Variants in SDCCAG8 observed in about 807,000 individuals in gnomAD.
SDCCAG8 encodes the protein SHH signaling and ciliogenesis regulator SDCCAG8.
SDCCAG8 carries 74 observed loss-of-function variants against 101.8 expected under a neutral mutation model. The observed-to-expected ratio is 0.73, with a 90% CI of 0.60 to 0.88. SDCCAG8 has a LOEUF of 0.88. Among genes scored for constraint, SDCCAG8 ranks in the 40% least tolerant of loss-of-function variants. SDCCAG8 has a pLI of 0.00. For missense variants in SDCCAG8, 787 were observed against 822.6 expected, an observed-to-expected ratio of 0.96 and a Z score of 0.53; for synonymous variants, 281 against 292.9, an observed-to-expected ratio of 0.96 and a Z score of 0.41.
chr1:243,495,503 C>T (rs1166373096), intron 17 of SDCCAG8, among the ~76,000 whole-genome samples: 1 of 152,204 alleles, frequency 6.6e-6, no homozygotes, highest in Non-Finnish European at 1.5e-5. Flanking sequence ...ATGGCCGCTG[C>T]CCTGCGATGG....
At chr1:243,320,444 T>G (rs2073655937) in intron 9 of SDCCAG8, among the ~76,000 whole-genome samples, 1 of 152,202 alleles carries the variant, frequency 6.6e-6, no homozygotes, top group Non-Finnish European at 1.5e-5. Context: ...GCCCGTGGTC[T>G]GTCCTAATGT....
chr1:243,414,408 A>G (rs1235688415), intron 13 of SDCCAG8, among the ~76,000 whole-genome samples: 4 of 152,140 alleles, frequency 2.6e-5, no homozygotes, highest in Admixed American at 6.5e-5. Context: ...AGTGCGACGC[A>G]AGACCTTGGA....
intron 10 of SDCCAG8, among the ~76,000 whole-genome samples, chr1:243,331,108 A>G (rs112034417): frequency 6.6e-6 from 1 of 152,222 alleles, no homozygotes; most frequent in Admixed American, 6.5e-5. Flanking sequence ...AACACTTGTA[A>G]GGAACTGAGT....
chr1:243,360,087 A>G (rs929770706), intron 12 of SDCCAG8, among the ~76,000 whole-genome samples: 3 of 149,828 alleles, frequency 2.0e-5, no homozygotes, highest in African/African-American at 7.4e-5. Context: ...ACATATATCC[A>G]CTGCTACCGT....
At chr1:243,399,534 TCTCA>T (rs1421471766) in intron 13 of SDCCAG8, among the ~76,000 whole-genome samples, 1 of 151,964 alleles carries the variant, frequency 6.6e-6, no homozygotes, top group African/African-American at 2.4e-5. Context: ...ATTGCTGGAG[TCTCA>T]CTCTGTCGCC....
chr1:243,295,559 C>T (rs1335586333), intron 6 of SDCCAG8, among the ~76,000 whole-genome samples: 1 of 152,164 alleles, frequency 6.6e-6, no homozygotes, highest in African/African-American at 2.4e-5. Flanking sequence ...GTCACTCTTA[C>T]AAATCTTATC....
At position 243,418,043 on chromosome 1, in the gene SDCCAG8, C is replaced by T; in HGVS notation, c.1820C>T (p.Ala607Val). The T allele has an allele frequency of 6.2e-7, 1 of 1,612,690 alleles. No individual in the cohort carries two copies. Among genetic ancestry groups the T allele is most frequent in the Non-Finnish European group, 8.5e-7 (1 of 1,179,040 alleles). The change falls in exon 15 of 18, where the codon GCC (alanine) becomes GTC (valine). Residue 607 changes from alanine to valine, a missense_variant. Physicochemically the swap from Ala to Val is moderately conservative, Grantham distance 64 (BLOSUM62 0). Transcript: ENST00000366541. ...TTAAAGGAAGAATGCTGTACATTAGCCAAGAAACTGGAACAAATCTCTCAA... is the reference window on the plus strand; with the variant it reads ...TTAAAGGAAGAATGCTGTACATTAGTCAAGAAACTGGAACAAATCTCTCAA... ...TKLKEECCTLAKKLEQISQKT... is the reference protein window; with the variant it reads ...TKLKEECCTLVKKLEQISQKT...
At chr1:243,340,945 A>G (rs2075348787) in intron 10 of SDCCAG8, 94 bp from the exon 11 acceptor site, 2 of 1,281,844 alleles carry the variant, frequency 1.6e-6, no homozygotes, top group Non-Finnish European at 2.3e-6. Flanking sequence ...CACAGAGCCC[A>G]GTGACTATGC....
chr1:243,413,668 T>G (rs1266378533), intron 13 of SDCCAG8, among the ~76,000 whole-genome samples: 3 of 152,174 alleles, frequency 2.0e-5, no homozygotes, highest in Non-Finnish European at 4.4e-5. Context: ...CCCTTTCACT[T>G]TCAGATGGGT....
chr1:243,444,856 A>C (rs1050624866), intron 16 of SDCCAG8, among the ~76,000 whole-genome samples: 7 of 152,242 alleles, frequency 4.6e-5, no homozygotes, highest in Admixed American at 1.3e-4. Context: ...TAAATTAATA[A>C]GAATAGTTTC....
chr1:243,495,184 C>T (rs1439620585), intron 17 of SDCCAG8, among the ~76,000 whole-genome samples: 1 of 152,246 alleles, frequency 6.6e-6, no homozygotes, highest in Non-Finnish European at 1.5e-5. Flanking sequence ...ACAGGTGGCA[C>T]CGCAGAGCCA....
chr1:243,326,561 A>G (rs2074165122), intron 9 of SDCCAG8, among the ~76,000 whole-genome samples: 1 of 152,232 alleles, frequency 6.6e-6, no homozygotes, highest in South Asian at 2.1e-4. Flanking sequence ...ATAGACTGAT[A>G]AATTTCTGGT....
chr1:243,294,506 C>CGAGAGAGAGAGAGAGAGAGGGA, intron 6 of SDCCAG8, among the ~76,000 whole-genome samples: 1 of 105,934 alleles, frequency 9.4e-6, no homozygotes, highest in East Asian at 3.7e-4. Flanking sequence ...AGAGAAAGAG[C>CGAGAGAGAGAGAGAGAGAGGGA]GAGAGAGAGA....
chr1:243,366,213 A>C (rs1052947809), intron 12 of SDCCAG8, among the ~76,000 whole-genome samples: 4 of 151,992 alleles, frequency 2.6e-5, no homozygotes, highest in African/African-American at 9.7e-5. Context: ...AGTTCATTTA[A>C]ATTTATTTTA....
rs551679622 is a variant in SDCCAG8, at chr1:243,318,469, A to G, written c.1068+1576A>G. The G allele has an allele frequency of 9.1e-4, 629 of 687,784 alleles. 1 individual carries two copies. Among genetic ancestry groups the G allele is most frequent in the Non-Finnish European group, 1.1e-3 (594 of 557,708 alleles). The allele number at this position is 687,784 out of a possible 1,614,324, so 42.6% of individuals were successfully genotyped here. On this transcript the variant is annotated intron_variant, in intron 9 of 17. Coordinates refer to ENST00000366541, the MANE Select transcript of SDCCAG8 (RefSeq NM_006642.5). Reference sequence around the variant, plus strand: ...AAAACCCCGTGACATGAGTTTGCCTATGTAACAAACCTTCACATGTACCCC... The same window carrying G: ...AAAACCCCGTGACATGAGTTTGCCTGTGTAACAAACCTTCACATGTACCCC...
intron 17 of SDCCAG8, among the ~76,000 whole-genome samples, chr1:243,496,522 C>T (rs913413276): frequency 5.3e-5 from 8 of 152,198 alleles, no homozygotes; most frequent in African/African-American, 1.4e-4. Flanking sequence ...ACAGAGACAG[C>T]GTGCCAGTGA....
chr1:243,431,652 AT>A (rs893663874), intron 16 of SDCCAG8, among the ~76,000 whole-genome samples: 10 of 149,888 alleles, frequency 6.7e-5, no homozygotes, highest in African/African-American at 1.2e-4. Flanking sequence ...TGGCAGTGCC[AT>A]TTTTTTTTTC....
At chr1:243,371,629 A>G (rs982453894) in intron 12 of SDCCAG8, among the ~76,000 whole-genome samples, 10 of 152,246 alleles carry the variant, frequency 6.6e-5, no homozygotes, top group East Asian at 3.9e-4. Context: ...GGTATCAGCA[A>G]CCTTCTGCAT....
chr1:243,433,166 CT>C (rs56353457), intron 16 of SDCCAG8, among the ~76,000 whole-genome samples: 61 of 152,130 alleles, frequency 4.0e-4, no homozygotes, highest in Non-Finnish European at 7.5e-4. Context: ...TGATGCCAGA[CT>C]TAGTTTATTC....
Sources: gnomAD v4.1 joint callset for allele counts (sites outside exome capture counted in the v4.1 genomes callset) on GRCh38, gnomAD v4.1.1 for gene constraint, MANE v1.5 for transcripts, NCBI Gene and HGNC (gene_info 2026-07-23, HGNC 2026-07-21) for gene names.